APAF1: variants seen among roughly 807,000 people sequenced by gnomAD.
APAF1 encodes apoptotic protease-activating factor 1.
Under a neutral mutation model 152.4 loss-of-function variants are expected in APAF1, and 91 were observed. That is an observed-to-expected ratio of 0.60 (90% confidence interval 0.50 to 0.71). APAF1 has a LOEUF of 0.71. Ranked by LOEUF, APAF1 falls within the 30% of genes least tolerant of loss-of-function variation. The pLI is 0.00. For synonymous variants in APAF1, 484 were observed against 494.1 expected (o/e 0.98, Z 0.27); for missense variants, 1,283 against 1,472.0 (o/e 0.87, Z 2.10).
At chr12:98,688,847 TTC>T (rs1593069574) in intron 16 of APAF1, among the ~76,000 whole-genome samples, 1 of 151,380 alleles carries the variant, frequency 6.6e-6, no homozygotes, top group Admixed American at 6.6e-5. Context: ...CAGGGTCTTA[TTC>T]TGTTGTCTAG....
intron 4 of APAF1, among the ~76,000 whole-genome samples, chr12:98,652,233 G>C (rs1283665074): frequency 6.6e-6 from 1 of 152,136 alleles, no homozygotes; most frequent in East Asian, 1.9e-4. Flanking sequence ...GGTTACAGAT[G>C]AAAGTCACCA....
chr12:98,667,524 G>T lies in APAF1; in HGVS notation c.1374G>T (p.Lys458Asn). The T allele has an allele frequency of 6.2e-7, 1 of 1,613,808 alleles. No homozygotes were observed. Among genetic ancestry groups the T allele is most frequent in the East Asian group, 2.2e-5 (1 of 44,886 alleles). ...KNCSQLQDLH[K>N]KIITQFQRYH... ...TCATTGGGTTGCAGGATCTACATAA[G>T]AAGATAATCACTCAGTTTCAGAGAT... Residue 458 changes from lysine to asparagine, a missense_variant, in exon 10 of 27, where the codon AAG (lysine) becomes AAT (asparagine). By Grantham distance (94) the Lys-to-Asn change is moderately conservative. Transcript: ENST00000551964.
intron 14 of APAF1, among the ~76,000 whole-genome samples, chr12:98,682,060 T>G (rs185912929): frequency 0.016 from 2,468 of 149,610 alleles, 70 homozygotes; most frequent in African/African-American, 0.056. Context: ...TTGTTTTTTT[T>G]TTTTTTTTTT....
intron 16 of APAF1, among the ~76,000 whole-genome samples, chr12:98,690,045 A>G (rs1439284736): frequency 1.3e-5 from 2 of 152,156 alleles, no homozygotes; most frequent in East Asian, 3.9e-4. Context: ...TTTCTTGACT[A>G]CACCTTTTCT....
Position 98,671,023 on chromosome 12 carries a change from A to T in APAF1, c.1545A>T (p.Glu515Asp). 6.2e-7 allele frequency: 1 copy of T among 1,613,164 alleles called. No homozygotes were observed. The highest frequency in any genetic ancestry group is 1.1e-5 in the South Asian group (1 of 91,052). The stretch of plus-strand genomic sequence containing the variant: ...TGGATTGGATTAAAGCAAAAACAGA[A>T]CTTGTAGGCCCTGCTCATCTGATTC... ...FSLDWIKAKT[E>D]LVGPAHLIHE... Residue 515 changes from glutamate to aspartate, a missense_variant, in exon 11 of 27, where the codon GAA (glutamate) becomes GAT (aspartate). Physicochemically the swap from Glu to Asp is conservative, Grantham distance 45. Transcript: ENST00000551964.
intron 1 of APAF1, among the ~76,000 whole-genome samples, chr12:98,648,036 C>G (rs1486444278): frequency 6.6e-6 from 1 of 152,048 alleles, no homozygotes; most frequent in Non-Finnish European, 1.5e-5. Flanking sequence ...GAAGTAAATC[C>G]TTAGAAATGG....
intron 25 of APAF1, 33 bp from the exon 26 acceptor site, chr12:98,727,138 ACT>A: frequency 2.5e-6 from 4 of 1,609,200 alleles, no homozygotes; most frequent in Non-Finnish European, 3.4e-6. Flanking sequence ...CTTCTGGATA[ACT>A]CTGTTAATGA....
At chr12:98,662,636 A>G in intron 6 of APAF1, 39 bp from the exon 7 acceptor site, 1 of 1,610,788 alleles carries the variant, frequency 6.2e-7, no homozygotes, top group Non-Finnish European at 8.5e-7. Flanking sequence ...TATGTGACAT[A>G]CCAAATTACT....
In APAF1 at chr12:98,662,574, G is replaced by A. The variant is rs764913306; in HGVS notation, c.823+6G>A. ...TGTTACAGATTCAGTAATGGGTAAGGATTATTCGTTTACTTTTTAGTACCT... is the reference window on the plus strand; with the variant it reads ...TGTTACAGATTCAGTAATGGGTAAGAATTATTCGTTTACTTTTTAGTACCT... On this transcript the variant is annotated splice_donor_region_variant and intron_variant, in intron 6 of 26. Coordinates refer to ENST00000551964, the MANE Select transcript of APAF1 (RefSeq NM_181861.2). The A allele has an allele frequency of 6.2e-7, 1 of 1,609,094 alleles. No individual in the cohort carries two copies. Among genetic ancestry groups the A allele is most frequent in the Admixed American group, 1.7e-5 (1 of 59,986 alleles).
At chr12:98,695,696 C>T (rs921883785) in intron 16 of APAF1, among the ~76,000 whole-genome samples, 4 of 152,202 alleles carry the variant, frequency 2.6e-5, no homozygotes, top group African/African-American at 9.7e-5. Flanking sequence ...TGTATTCTGC[C>T]AGAGTAGGGA....
chr12:98,648,990 C>G, intron 3 of APAF1, 175 bp downstream of exon 3: 1 of 782,240 alleles, frequency 1.3e-6, no homozygotes, highest in Non-Finnish European at 2.1e-6. Flanking sequence ...CATTAACTCT[C>G]AACTTTTCTT....
At chr12:98,723,078 A>T in intron 22 of APAF1, 115 bp from the exon 23 acceptor site, 1 of 1,066,316 alleles carries the variant, frequency 9.4e-7, no homozygotes, top group Non-Finnish European at 1.4e-6. Context: ...TCTCTGTTTT[A>T]CTGAAATGCC....
intron 16 of APAF1, among the ~76,000 whole-genome samples, chr12:98,688,756 A>G (rs567124784): frequency 6.6e-6 from 1 of 150,718 alleles, no homozygotes; most frequent in Non-Finnish European, 1.5e-5. Context: ...CACCAAGCCT[A>G]GCCTACCACT....
chr12:98,715,629 G>A (rs1487586002), intron 22 of APAF1, 77 bp downstream of exon 22: 1 of 1,539,536 alleles, frequency 6.5e-7, no homozygotes, highest in African/African-American at 1.4e-5. Context: ...CCTAAAATCT[G>A]GTGTATATTT....
At chr12:98,701,257 A>G (rs1014287420) in intron 17 of APAF1, among the ~76,000 whole-genome samples, 2 of 152,176 alleles carry the variant, frequency 1.3e-5, no homozygotes, top group Non-Finnish European at 2.9e-5. Flanking sequence ...TTTTTCATCC[A>G]TTCATCTGTT....
At chr12:98,727,415 C>T (rs1020264205) in intron 26 of APAF1, 99 bp downstream of exon 26, 2 of 1,396,376 alleles carry the variant, frequency 1.4e-6, no homozygotes, top group Admixed American at 1.8e-5. Context: ...TTTTACAACC[C>T]AGCAGAGTAA....
intron 16 of APAF1, among the ~76,000 whole-genome samples, chr12:98,696,066 T>C (rs2097709532): frequency 6.6e-6 from 1 of 152,226 alleles, no homozygotes; most frequent in South Asian, 2.1e-4. Flanking sequence ...AAATTCCTAT[T>C]ACTATTGTTT....
At chr12:98,673,364 A>C (rs1429816170) in intron 12 of APAF1, among the ~76,000 whole-genome samples, 1 of 150,496 alleles carries the variant, frequency 6.6e-6, no homozygotes, top group Non-Finnish European at 1.5e-5. Context: ...TGAACCTGGG[A>C]GGCAGAGACT....
At chr12:98,648,177 C>T (rs1180952395) in intron 1 of APAF1, 142 bp from the exon 2 acceptor site, 1 of 696,692 alleles carries the variant, frequency 1.4e-6, no homozygotes, top group Non-Finnish European at 2.5e-6. Flanking sequence ...CCTTTCCAAG[C>T]ACTGGGTTTT....
Sources: allele counts gnomAD v4.1 joint callset (sites outside exome capture counted in the v4.1 genomes callset), GRCh38; gene constraint gnomAD v4.1.1; transcripts MANE v1.5; gene names NCBI Gene and HGNC (gene_info 2026-07-23, HGNC 2026-07-21).